The following SPATA4 variants were observed in gnomAD, a reference collection of about 807,000 sequenced individuals.
The protein encoded by SPATA4 is spermatogenesis associated 4.
In SPATA4, 35 loss-of-function variants were observed where a neutral mutation model predicts 31.8. The observed-to-expected ratio is 1.10, with a 90% CI of 0.84 to 1.46. The LOEUF (loss-of-function observed/expected upper bound fraction) is 1.46. Ranked by LOEUF, SPATA4 falls within the 40% of genes most tolerant of loss-of-function variation. SPATA4 has a pLI of 0.00. For missense variants in SPATA4, 394 were observed against 363.1 expected (o/e 1.09, Z -0.69); for synonymous variants, 126 against 132.4 (o/e 0.95, Z 0.33).
chr4:176,187,636 C>A (rs2126921709), intron 5 of SPATA4, among the ~76,000 whole-genome samples: 1 of 152,284 alleles, frequency 6.6e-6, no homozygotes, highest in East Asian at 1.9e-4. Flanking sequence ...CTATTTTTAA[C>A]TTGTGAACTA....
Position 176,184,864 on chromosome 4 carries a change from A to T in SPATA4, c.834T>A (p.His278Gln). The T allele has an allele frequency of 5.2e-6, 8 of 1,545,496 alleles. No individual in the cohort carries two copies. Among genetic ancestry groups the T allele is most frequent in the Non-Finnish European group, 7.1e-6 (8 of 1,121,634 alleles). ...CAGCTTGCTTCACATGTATTTCTCT[A>T]TGTGAACTGCCACCACTACCTATAT... ...LPNIGSGGSS[H>Q]REIHVKQAGQ... Residue 278 changes from histidine to glutamine, a missense_variant, in exon 6 of 6, where the codon CAT (histidine) becomes CAA (glutamine). Physicochemically the swap from His to Gln is conservative, Grantham distance 24. Transcript: ENST00000280191.
In SPATA4 at chr4:176,195,522, G is replaced by T; in HGVS notation, c.41C>A (p.Thr14Asn). 2 of 1,614,274 alleles carry T rather than the reference G, an allele frequency of 1.2e-6. No homozygotes were observed. The highest frequency in any genetic ancestry group is 8.5e-7 in the Non-Finnish European group (1 of 1,180,056). The change falls in exon 1 of 6, where the codon ACT becomes AAT. Residue 14 changes from threonine (T) to asparagine (N), a missense_variant. By Grantham distance (65) the Thr-to-Asn change is moderately conservative. Coordinates refer to ENST00000280191, the MANE Select transcript of SPATA4 (RefSeq NM_144644.4). Reference protein sequence around the residue: ...AGQEKGYLTQTAAALDKSPSL... With the variant: ...AGQEKGYLTQNAAALDKSPSL... ...CGGTGACTTGTCTAGGGCTGCCGCAGTCTGTGTCAAATACCCTTTTTCCTG... is the reference window on the plus strand; with the variant it reads ...CGGTGACTTGTCTAGGGCTGCCGCATTCTGTGTCAAATACCCTTTTTCCTG...
Position 176,195,552 on chromosome 4 carries a change from G to A in SPATA4, c.11C>T (p.Ala4Val), listed in dbSNP as rs1752607478. The A allele has an allele frequency of 3.7e-6, 6 of 1,613,954 alleles. No individual in the cohort carries two copies. The African/African-American group carries it at 4.0e-5, about 11-fold the overall frequency. The change falls in exon 1 of 6, where the codon GCC (alanine) becomes GTC (valine). Residue 4 changes from alanine to valine, a missense_variant. Coordinates refer to ENST00000280191, the MANE Select transcript of SPATA4 (RefSeq NM_144644.4). ...TGTCAAATACCCTTTTTCCTGGCCG[G>A]CGGCAGCCATGACGCTTTCTGGGTT... MAA[A>V]GQEKGYLTQT...
intron 5 of SPATA4, among the ~76,000 whole-genome samples, chr4:176,185,702 TA>T (rs1254512158): frequency 6.6e-6 from 1 of 152,212 alleles, no homozygotes; most frequent in Non-Finnish European, 1.5e-5. Flanking sequence ...AAAAATTATT[TA>T]ACACTTAATA....
At chr4:176,191,252 T>C (rs975667552) in intron 4 of SPATA4, among the ~76,000 whole-genome samples, 5 of 152,054 alleles carry the variant, frequency 3.3e-5, no homozygotes, top group African/African-American at 7.2e-5. Flanking sequence ...CACGCCACCA[T>C]GCCCAGCTAA....
At chr4:176,192,123 T>C (rs1417049472) in intron 4 of SPATA4, among the ~76,000 whole-genome samples, 1 of 152,206 alleles carries the variant, frequency 6.6e-6, no homozygotes, top group Non-Finnish European at 1.5e-5. Flanking sequence ...TGGCAAATGC[T>C]TTGTTTGGGT....
chr4:176,186,168 T>G (rs1752437961), intron 5 of SPATA4, among the ~76,000 whole-genome samples: 1 of 152,202 alleles, frequency 6.6e-6, no homozygotes, highest in African/African-American at 2.4e-5. Context: ...AATTCAAATA[T>G]CAGCAGGCAT....
At chr4:176,189,479 G>A (rs1331912055) in intron 4 of SPATA4, among the ~76,000 whole-genome samples, 1 of 151,014 alleles carries the variant, frequency 6.6e-6, no homozygotes, top group Non-Finnish European at 1.5e-5. Context: ...ACTCAAAATA[G>A]TATGTTAGAT....
At chr4:176,187,162 G>A (rs542906241) in intron 5 of SPATA4, among the ~76,000 whole-genome samples, 1 of 152,164 alleles carries the variant, frequency 6.6e-6, no homozygotes, top group South Asian at 2.1e-4. Context: ...CAACTTTCTA[G>A]ACTAGACAGT....
At chr4:176,188,048 T>C in intron 5 of SPATA4, 71 bp downstream of exon 5, 1 of 1,145,000 alleles carries the variant, frequency 8.7e-7, no homozygotes, top group South Asian at 1.2e-5. Context: ...TTTAACCGTT[T>C]TTTAAAACTT....
intron 1 of SPATA4, 40 bp downstream of exon 1, chr4:176,195,305 G>A (rs761579091): frequency 2.4e-5 from 39 of 1,603,020 alleles, no homozygotes; most frequent in Non-Finnish European, 3.2e-5. Context: ...AGCAGGCGGG[G>A]CGCCCACCGG....
chr4:176,187,263 A>G (rs1411264144), intron 5 of SPATA4, among the ~76,000 whole-genome samples: 2 of 152,144 alleles, frequency 1.3e-5, no homozygotes, highest in Non-Finnish European at 2.9e-5. Context: ...GTTCCCTGTT[A>G]TTTATGAGCA....
chr4:176,187,017 TA>T (rs1191171470), intron 5 of SPATA4, among the ~76,000 whole-genome samples: 1 of 152,192 alleles, frequency 6.6e-6, no homozygotes, highest in Non-Finnish European at 1.5e-5. Context: ...GGTTGCCAGA[TA>T]AAATATAGGA....
intron 1 of SPATA4, 97 bp from the exon 2 acceptor site, chr4:176,193,679 G>T: frequency 7.9e-7 from 1 of 1,260,784 alleles, no homozygotes; most frequent in Non-Finnish European, 1.1e-6. Flanking sequence ...CATACTAAAA[G>T]TATCTTGTAA....
At chr4:176,188,031 T>G in intron 5 of SPATA4, 88 bp downstream of exon 5, 1 of 941,220 alleles carries the variant, frequency 1.1e-6, no homozygotes, top group Non-Finnish European at 1.7e-6. Context: ...TACCAACATT[T>G]TAACTATTTA....
In SPATA4 at chr4:176,184,910, G is replaced by A; in HGVS notation, c.806-18C>T. 1.4e-6 allele frequency: 2 copies of A among 1,471,222 alleles called. No individual in the cohort carries two copies. Among genetic ancestry groups the A allele is most frequent in the Non-Finnish European group, 1.9e-6 (2 of 1,070,620 alleles). The allele number at this position is 1,471,222 out of a possible 1,614,324, so 91.1% of individuals were successfully genotyped here. A position where few individuals can be genotyped will look rare whatever the true frequency, so the allele number is the denominator to read the frequency against. On this transcript the variant is annotated intron_variant, in intron 5 of 5. Transcript: ENST00000280191. ...TATATTTGCTGGGACATTTAAATAAGCAAAATTAAAATCAATTCATGGTTA... is the reference window on the plus strand; with the variant it reads ...TATATTTGCTGGGACATTTAAATAAACAAAATTAAAATCAATTCATGGTTA...
At chr4:176,194,522 G>T (rs1417716382) in intron 1 of SPATA4, 1 of 152,090 alleles carries the variant, frequency 6.6e-6, no homozygotes, top group African/African-American at 2.4e-5. Context: ...ATGCCTCTCT[G>T]ATAAGGAGAG....
At position 176,192,687 on chromosome 4, in the gene SPATA4, C is replaced by T. The variant is rs557565519; in HGVS notation, c.628G>A (p.Ala210Thr). The T allele has an allele frequency of 6.2e-7, 1 of 1,614,048 alleles. No individual in the cohort carries two copies. Among genetic ancestry groups the T allele is most frequent in the African/African-American group, 1.3e-5 (1 of 75,030 alleles). The part of the protein sequence containing the change: ...NPNMLTNELK[A>T]EFLILLHMLQ... Reference sequence around the variant, plus strand: ...ATATGTAAAAGGATGAGGAACTCCGCTTTAAGTTCATTGGTCAGCATGTTG... The same window carrying T: ...ATATGTAAAAGGATGAGGAACTCCGTTTTAAGTTCATTGGTCAGCATGTTG... Residue 210 changes from alanine to threonine, a missense_variant, in exon 4 of 6, where the codon GCG (alanine) becomes ACG (threonine). By Grantham distance (58) the Ala-to-Thr change is moderately conservative. Transcript: ENST00000280191.
chr4:176,185,108 T>C (rs557700823), intron 5 of SPATA4, among the ~76,000 whole-genome samples: 1 of 152,294 alleles, frequency 6.6e-6, no homozygotes, highest in Non-Finnish European at 1.5e-5. Flanking sequence ...CCAAAAGTCA[T>C]CAGCCTAAAA....
Sources: gnomAD v4.1 joint callset for allele counts (sites outside exome capture counted in the v4.1 genomes callset) on GRCh38, gnomAD v4.1.1 for gene constraint, MANE v1.5 for transcripts, NCBI Gene and HGNC (gene_info 2026-07-23, HGNC 2026-07-21) for gene names.